The following SLC38A9 variants were observed in gnomAD, a reference collection of about 807,000 sequenced individuals.
SLC38A9 encodes the protein neutral amino acid transporter 9.
SLC38A9 carries 48 observed loss-of-function variants against 62.3 expected under a neutral mutation model. The ratio of observed to expected loss-of-function variants is 0.77; its 90% CI spans 0.61 to 0.98. The LOEUF is 0.98. Among genes scored for constraint, SLC38A9 ranks in the 50% least tolerant of loss-of-function variants. The pLI is 0.00. For synonymous variants in SLC38A9, 204 were observed against 227.7 expected (o/e 0.90, Z 0.94); for missense variants, 541 against 679.8 (o/e 0.80, Z 2.27).
chr5:55,693,179 TCA>T (rs976245656), intron 3 of SLC38A9: 1 of 178,622 alleles, frequency 5.6e-6, no homozygotes, highest in African/African-American at 2.4e-5. Flanking sequence ...CCTAAAGCAC[TCA>T]GTTTCCCTCT....
At chr5:55,678,378 C>G (rs974867114) in intron 3 of SLC38A9, among the ~76,000 whole-genome samples, 1 of 152,056 alleles carries the variant, frequency 6.6e-6, no homozygotes, top group African/African-American at 2.4e-5. Flanking sequence ...CTCAGGTGTG[C>G]CACCCGCCTT....
intron 8 of SLC38A9, among the ~76,000 whole-genome samples, chr5:55,659,289 G>A (rs976502604): frequency 6.7e-6 from 1 of 148,192 alleles, no homozygotes; most frequent in African/African-American, 2.5e-5. Flanking sequence ...ACATTTATAC[G>A]TATATGTCTG....
intron 3 of SLC38A9, chr5:55,691,442 T>C (rs1376910795): frequency 1.5e-5 from 14 of 956,260 alleles, no homozygotes; most frequent in Non-Finnish European, 1.8e-5. Flanking sequence ...CCCTAGGCCC[T>C]GGGGAAAATG....
chr5:55,629,243 G>A (rs899002576), intron 14 of SLC38A9, among the ~76,000 whole-genome samples: 2 of 151,926 alleles, frequency 1.3e-5, no homozygotes, highest in African/African-American at 4.8e-5. Context: ...ACAGGGTCTT[G>A]CTCTGTCATC....
chr5:55,648,289 T>C (rs1304329940), intron 11 of SLC38A9, among the ~76,000 whole-genome samples: 1 of 152,152 alleles, frequency 6.6e-6, no homozygotes, highest in African/African-American at 2.4e-5. Context: ...TTGTTATTGA[T>C]AGACATTGGG....
intron 2 of SLC38A9, among the ~76,000 whole-genome samples, chr5:55,700,833 G>A (rs1317977475): frequency 6.6e-6 from 1 of 152,096 alleles, no homozygotes; most frequent in African/African-American, 2.4e-5. Flanking sequence ...GGATTCACTG[G>A]GCCTCCAGGT....
intron 8 of SLC38A9, 60 bp from the exon 9 acceptor site, chr5:55,656,834 C>A: frequency 1.3e-6 from 1 of 782,084 alleles, no homozygotes; most frequent in Non-Finnish European, 2.0e-6. Flanking sequence ...ATCTATTACC[C>A]TTTAAGGTCT....
chr5:55,699,805 TAA>T (rs758382725), intron 2 of SLC38A9, among the ~76,000 whole-genome samples: 22 of 152,022 alleles, frequency 1.4e-4, no homozygotes, highest in Non-Finnish European at 2.6e-4. Context: ...ACATAGAAGA[TAA>T]GTCAGAAGAA....
At chr5:55,676,859 A>C (rs1752172909) in intron 3 of SLC38A9, among the ~76,000 whole-genome samples, 1 of 151,942 alleles carries the variant, frequency 6.6e-6, no homozygotes, top group African/African-American at 2.4e-5. Flanking sequence ...TTTAAAAAAA[A>C]AACATGTTAC....
At chr5:55,709,171 A>G (rs1358756115) in intron 2 of SLC38A9, among the ~76,000 whole-genome samples, 1 of 152,190 alleles carries the variant, frequency 6.6e-6, no homozygotes, top group Non-Finnish European at 1.5e-5. Context: ...AAAAGGCGTT[A>G]AATTTGACAG....
Position 55,656,775 on chromosome 5 carries a change from C to A in SLC38A9, c.698-1G>T. On this transcript the variant is annotated splice_acceptor_variant, in intron 8 of 15. Transcript: ENST00000396865. LOFTEE classifies it high-confidence loss of function. Reference sequence around the variant, plus strand: ...GTGTCATTAATGTGATGAATAAAATCTAAAAATAAAGGAAAAAATATAGTT... The same window carrying A: ...GTGTCATTAATGTGATGAATAAAATATAAAAATAAAGGAAAAAATATAGTT... 6.6e-7 allele frequency: 1 copy of A among 1,524,216 alleles called. No homozygotes were observed. The highest frequency in any genetic ancestry group is 9.0e-7 in the Non-Finnish European group (1 of 1,107,432). The allele number at this position is 1,524,216 out of a possible 1,614,324, so 94.4% of individuals were successfully genotyped here.
chr5:55,663,240 G>A (rs1230158186), intron 8 of SLC38A9, among the ~76,000 whole-genome samples: 5 of 140,308 alleles, frequency 3.6e-5, no homozygotes, highest in South Asian at 4.5e-4. Flanking sequence ...TGGGAGAATC[G>A]CTTGAGGCCA....
chr5:55,663,578 C>A (rs1371601147), intron 8 of SLC38A9, among the ~76,000 whole-genome samples: 2 of 151,628 alleles, frequency 1.3e-5, no homozygotes, highest in African/African-American at 4.8e-5. Flanking sequence ...TCTAAAAATA[C>A]AAAAATTAGC....
At chr5:55,690,091 G>C (rs1580369065) in intron 3 of SLC38A9, among the ~76,000 whole-genome samples, 1 of 152,042 alleles carries the variant, frequency 6.6e-6, no homozygotes, top group South Asian at 2.1e-4. Context: ...AGAATAAAAG[G>C]ATTCTAATGG....
intron 12 of SLC38A9, among the ~76,000 whole-genome samples, chr5:55,643,797 G>A (rs548265717): frequency 1.2e-4 from 18 of 152,096 alleles, no homozygotes; most frequent in African/African-American, 4.1e-4. Flanking sequence ...TTTATCTCTG[G>A]CAATACTGCC....
At chr5:55,689,164 A>C (rs1420152262) in intron 3 of SLC38A9, among the ~76,000 whole-genome samples, 1 of 152,256 alleles carries the variant, frequency 6.6e-6, no homozygotes, top group Non-Finnish European at 1.5e-5. Flanking sequence ...ATAAGGAAGC[A>C]TGATGTTCTA....
chr5:55,652,134 C>T (rs1310766169), intron 10 of SLC38A9, among the ~76,000 whole-genome samples: 2 of 151,162 alleles, frequency 1.3e-5, no homozygotes, highest in Admixed American at 6.6e-5. Flanking sequence ...TGAGGCAGGT[C>T]GATCACCTAA....
intron 9 of SLC38A9, 35 bp from the exon 10 acceptor site, chr5:55,652,758 C>G: frequency 6.6e-7 from 1 of 1,507,706 alleles, no homozygotes; most frequent in Non-Finnish European, 9.0e-7. Context: ...AAGAAGATGA[C>G]AAAAAACAAA....
intron 3 of SLC38A9, among the ~76,000 whole-genome samples, chr5:55,695,230 G>C (rs1010610833): frequency 6.7e-6 from 1 of 149,048 alleles, no homozygotes; most frequent in African/African-American, 2.5e-5. Flanking sequence ...AAGCATTTTA[G>C]TTTCTCTCAT....
Sources: gnomAD v4.1 joint callset for allele counts (sites outside exome capture counted in the v4.1 genomes callset) on GRCh38, gnomAD v4.1.1 for gene constraint, MANE v1.5 for transcripts, NCBI Gene and HGNC (gene_info 2026-07-23, HGNC 2026-07-21) for gene names.